The following TMEM135 variants were observed in gnomAD, a reference collection of about 807,000 sequenced individuals.
TMEM135 encodes transmembrane protein 135, also known as peroxisomal membrane protein 52.
A neutral mutation model predicts 60.3 loss-of-function variants in TMEM135; 30 were observed. The ratio of observed to expected loss-of-function variants is 0.50; its 90% confidence interval spans 0.37 to 0.68. The LOEUF is 0.68. TMEM135 is among the 30% of genes least tolerant of loss of function. The pLI, the probability that TMEM135 is intolerant of heterozygous loss-of-function variation, is 0.00. For missense variants in TMEM135, 468 were observed against 548.8 expected, an observed-to-expected ratio of 0.85 and a Z score of 1.47; for synonymous variants, 190 against 186.7, an observed-to-expected ratio of 1.02 and a Z score of -0.14.
In TMEM135 at chr11:87,261,864, A is replaced by T. The variant is rs375903168; in HGVS notation, c.509+25180A>T. 6.6e-5 allele frequency among the ~76,000 whole-genome samples: 10 copies of T among 152,302 alleles called. No homozygotes were observed. In the East Asian group the frequency reaches 1.7e-3, roughly 26 times the overall value. ...GGTCTAGAACTCTTGGGTTCAAGGA[A>T]TCGGCCTGCCTTGGCCTGCCAAAGT... is the stretch of plus-strand genomic sequence containing the variant. On this transcript the variant is annotated intron_variant, in intron 6 of 14. Transcript: ENST00000305494.
intron 5 of TMEM135, among the ~76,000 whole-genome samples, chr11:87,162,734 C>T (rs907297695): frequency 6.6e-6 from 1 of 152,060 alleles, no homozygotes; most frequent in African/African-American, 2.4e-5. Flanking sequence ...ATGTATATGC[C>T]CATTAATGGG....
intron 4 of TMEM135, among the ~76,000 whole-genome samples, chr11:87,106,001 C>T (rs889542676): frequency 2.0e-4 from 31 of 152,144 alleles, no homozygotes; most frequent in Non-Finnish European, 5.9e-5. Context: ...TTTTAGCTCT[C>T]ACATATGAGT....
chr11:87,202,189 C>T (rs1940117782), intron 5 of TMEM135, among the ~76,000 whole-genome samples: 1 of 152,108 alleles, frequency 6.6e-6, no homozygotes, highest in South Asian at 2.1e-4. Flanking sequence ...CCACTCCTGG[C>T]TAATTTTTGT....
intron 5 of TMEM135, among the ~76,000 whole-genome samples, chr11:87,159,595 A>G (rs2171685): frequency 1.6e-3 from 75 of 45,534 alleles, no homozygotes; most frequent in East Asian, 6.2e-3. Flanking sequence ...ACACACGCGC[A>G]CACACACACA....
chr11:87,279,749 G>C, intron 6 of TMEM135, among the ~76,000 whole-genome samples: 1 of 152,100 alleles, frequency 6.6e-6, no homozygotes, highest in East Asian at 1.9e-4. Flanking sequence ...GTATAGTCTT[G>C]GCTTTCATCA....
At chr11:87,070,441 G>C (rs988203590) in intron 2 of TMEM135, among the ~76,000 whole-genome samples, 1 of 151,928 alleles carries the variant, frequency 6.6e-6, no homozygotes, top group Admixed American at 6.6e-5. Flanking sequence ...TCAGGAGTTC[G>C]AGACCAGCCT....
intron 4 of TMEM135, among the ~76,000 whole-genome samples, chr11:87,146,898 C>T (rs986572890): frequency 1.2e-4 from 18 of 151,054 alleles, no homozygotes; most frequent in Non-Finnish European, 1.9e-4. Context: ...CATCTAGTTG[C>T]CTAATAGGAA....
At chr11:87,073,163 T>G (rs1856803064) in intron 3 of TMEM135, among the ~76,000 whole-genome samples, 1 of 152,190 alleles carries the variant, frequency 6.6e-6, no homozygotes, top group Admixed American at 6.5e-5. Flanking sequence ...GCCTCCCAAG[T>G]AGCTGGGACT....
chr11:87,307,243 A>G (rs947386042), intron 9 of TMEM135, among the ~76,000 whole-genome samples: 1 of 152,134 alleles, frequency 6.6e-6, no homozygotes, highest in African/African-American at 2.4e-5. Context: ...CCGTTAGCCC[A>G]GCCCACACTT....
At chr11:87,178,432 AC>A (rs1195092457) in intron 5 of TMEM135, 1 of 455,974 alleles carries the variant, frequency 2.2e-6, no homozygotes, top group Non-Finnish European at 4.4e-6. Context: ...CCTTTCCTTA[AC>A]ATAATGCGTT....
intron 5 of TMEM135, among the ~76,000 whole-genome samples, chr11:87,180,818 T>C (rs1319795630): frequency 6.6e-6 from 1 of 152,064 alleles, no homozygotes; most frequent in Non-Finnish European, 1.5e-5. Context: ...CAAAAACAAA[T>C]CCATTCTCCA....
intron 9 of TMEM135, among the ~76,000 whole-genome samples, chr11:87,307,555 A>G (rs989158568): frequency 3.9e-5 from 6 of 152,102 alleles, no homozygotes; most frequent in Admixed American, 1.3e-4. Context: ...GGAAGGTGAT[A>G]TTAAAAAAAT....
At chr11:87,113,003 A>G (rs901055589) in intron 4 of TMEM135, among the ~76,000 whole-genome samples, 3 of 152,094 alleles carry the variant, frequency 2.0e-5, no homozygotes, top group Non-Finnish European at 2.9e-5. Context: ...AAAATTGGTA[A>G]TTGGTTCAAT....
At chr11:87,252,796 A>ATGTGTG (rs1430756887) in intron 6 of TMEM135, among the ~76,000 whole-genome samples, 3 of 81,140 alleles carry the variant, frequency 3.7e-5, no homozygotes, top group African/African-American at 1.6e-4. Context: ...ATTAAAATAT[A>ATGTGTG]TATGTGTGTG....
chr11:87,112,301 T>G (rs1857773915), intron 4 of TMEM135, among the ~76,000 whole-genome samples: 1 of 152,194 alleles, frequency 6.6e-6, no homozygotes, highest in Non-Finnish European at 1.5e-5. Context: ...TATTGTACTT[T>G]TAAAACCAAA....
rs1038688431 is a variant in TMEM135 at position 87,323,052 on chromosome 11, T to C, written c.*1719T>C. On this transcript the variant is annotated 3_prime_UTR_variant, in exon 15 of 15. Transcript: ENST00000305494. ...GCACCTCATTTTCTTTATCCAGAAA[T>C]TGTGCTTATATATTTTCCTGTCAGG... 5 of 454,216 alleles carry C rather than the reference T, an allele frequency of 1.1e-5. No individual in the cohort carries two copies. Among genetic ancestry groups the C allele is most frequent in the South Asian group, 3.1e-5 (2 of 64,406 alleles). 28.1% of individuals were successfully genotyped at this position (454,216 alleles called of 1,614,324 possible). A position where few individuals can be genotyped will look rare whatever the true frequency, so the allele number is the denominator to read the frequency against.
chr11:87,237,783 A>G (rs895180955), intron 6 of TMEM135, among the ~76,000 whole-genome samples: 15 of 151,656 alleles, frequency 9.9e-5, no homozygotes, highest in Non-Finnish European at 2.9e-5. Flanking sequence ...CTTTTCCTGT[A>G]CCCGTTAATC....
intron 4 of TMEM135, among the ~76,000 whole-genome samples, chr11:87,102,089 A>G (rs1432596020): frequency 6.6e-6 from 1 of 152,234 alleles, no homozygotes. Context: ...GGCAGACACC[A>G]GCTTAGTGTC....
intron 9 of TMEM135, among the ~76,000 whole-genome samples, chr11:87,306,769 A>G (rs1422077979): frequency 6.6e-6 from 1 of 151,886 alleles, no homozygotes; most frequent in Non-Finnish European, 1.5e-5. Flanking sequence ...CCCAGGCTGG[A>G]GTGCAGTGGC....
Sources: gnomAD v4.1 joint callset for allele counts (sites outside exome capture counted in the v4.1 genomes callset) on GRCh38, gnomAD v4.1.1 for gene constraint, MANE v1.5 for transcripts, NCBI Gene and HGNC (gene_info 2026-07-23, HGNC 2026-07-21) for gene names.